RSU1: variants seen among roughly 807,000 people sequenced by gnomAD.
The protein encoded by RSU1 is rsu-1.
Under a neutral mutation model 31.1 loss-of-function variants are expected in RSU1, and 26 were observed. The observed-to-expected ratio is 0.84, with a 90% CI of 0.61 to 1.16. RSU1 has a LOEUF of 1.16. Among genes scored for constraint, RSU1 ranks in the 50% most tolerant of loss-of-function variants. The pLI is 0.00. For synonymous variants in RSU1, 164 were observed against 136.3 expected (o/e 1.20, Z -1.41); for missense variants, 320 against 339.1 (o/e 0.94, Z 0.44).
chr10:16,678,249 C>G (rs1263354643), intron 8 of RSU1, among the ~76,000 whole-genome samples: 1 of 152,168 alleles, frequency 6.6e-6, no homozygotes, highest in Non-Finnish European at 1.5e-5. Flanking sequence ...GAATGACCAT[C>G]TTTTCTCATT....
chr10:16,727,170 G>T (rs1325774047), intron 7 of RSU1: 2 of 456,348 alleles, frequency 4.4e-6, no homozygotes, highest in Admixed American at 2.4e-5. Flanking sequence ...ATAGTGACAG[G>T]AGTCATTGAC....
intron 7 of RSU1, among the ~76,000 whole-genome samples, chr10:16,744,870 C>T (rs572295640): frequency 3.9e-5 from 6 of 152,276 alleles, no homozygotes; most frequent in African/African-American, 1.4e-4. Flanking sequence ...CTGAGCTCCT[C>T]CCTCTTGCCC....
intron 7 of RSU1, among the ~76,000 whole-genome samples, chr10:16,746,399 TC>T (rs1383251728): frequency 6.6e-6 from 1 of 152,154 alleles, no homozygotes; most frequent in Non-Finnish European, 1.5e-5. Flanking sequence ...TGATTTTTTT[TC>T]CCTCTTCTCC....
intron 4 of RSU1, among the ~76,000 whole-genome samples, chr10:16,760,555 C>T (rs1190414576): frequency 6.6e-6 from 1 of 151,680 alleles, no homozygotes; most frequent in Non-Finnish European, 1.5e-5. Flanking sequence ...ACTCTGTCCT[C>T]TGCTGCCTCA....
At position 16,644,520 on chromosome 10, in the gene RSU1, G is replaced by A. The variant is rs1331849134; in HGVS notation, c.731+50503C>T. On this transcript the variant is annotated intron_variant, in intron 8 of 8. Transcript: ENST00000345264. ...TGCTATAACAGACTTTACATGTTAC[G>A]GAAGAGGAAATTGAGCCCTAAGAGA... Among the ~76,000 whole-genome samples, 7 of 152,266 alleles carry A rather than the reference G, an allele frequency of 4.6e-5. No individual in the cohort carries two copies. In the South Asian group the frequency reaches 1.0e-3, roughly 23 times the overall value.
chr10:16,608,325 T>C (rs1022555362), intron 8 of RSU1, among the ~76,000 whole-genome samples: 7 of 152,262 alleles, frequency 4.6e-5, no homozygotes, highest in South Asian at 2.1e-4. Context: ...CTGGGAAACA[T>C]AGCAATACCC....
At chr10:16,621,872 T>C (rs1309907375) in intron 8 of RSU1, among the ~76,000 whole-genome samples, 1 of 152,200 alleles carries the variant, frequency 6.6e-6, no homozygotes, top group Non-Finnish European at 1.5e-5. Context: ...TATCAATGAC[T>C]ATGTATGTAA....
At chr10:16,669,157 T>C (rs1279046075) in intron 8 of RSU1, among the ~76,000 whole-genome samples, 2 of 152,066 alleles carry the variant, frequency 1.3e-5, no homozygotes, top group South Asian at 4.2e-4. Flanking sequence ...CCAAAACAAA[T>C]GCTAGACCAG....
chr10:16,638,752 G>C (rs1023771263), intron 8 of RSU1, among the ~76,000 whole-genome samples: 1 of 152,186 alleles, frequency 6.6e-6, no homozygotes, highest in Non-Finnish European at 1.5e-5. Context: ...GAGGCCTGGC[G>C]GGAATGGTGG....
chr10:16,804,195 T>C (rs1838218026), intron 2 of RSU1, among the ~76,000 whole-genome samples: 2 of 152,196 alleles, frequency 1.3e-5, no homozygotes, highest in South Asian at 2.1e-4. Flanking sequence ...GATAAACATA[T>C]GGCAAATAAG....
At chr10:16,637,659 C>G (rs1005278729) in intron 8 of RSU1, among the ~76,000 whole-genome samples, 1 of 152,000 alleles carries the variant, frequency 6.6e-6, no homozygotes, top group African/African-American at 2.4e-5. Context: ...AGGGAACACA[C>G]AGATAATCAT....
chr10:16,762,312 AAT>A (rs2131629404), intron 4 of RSU1, among the ~76,000 whole-genome samples: 1 of 151,196 alleles, frequency 6.6e-6, no homozygotes, highest in African/African-American at 2.4e-5. Flanking sequence ...ATATATATAA[AAT>A]AGATATAATG....
At chr10:16,815,702 T>C (rs1838514098) in intron 2 of RSU1, among the ~76,000 whole-genome samples, 1 of 152,046 alleles carries the variant, frequency 6.6e-6, no homozygotes, top group Admixed American at 6.6e-5. Flanking sequence ...ATCAGTACAA[T>C]CCTATGTGAG....
rs558191183 is a variant in RSU1, at chr10:16,768,675, G to A, written c.161-4165C>T. Reference sequence around the variant, plus strand: ...TTCTGGACTTTGCAGCAGCAGTTCCGCCTAACACACCCGGCATGACCTTCT... The same window carrying A: ...TTCTGGACTTTGCAGCAGCAGTTCCACCTAACACACCCGGCATGACCTTCT... On this transcript the variant is annotated intron_variant, in intron 3 of 8. Transcript: ENST00000345264. Among the ~76,000 whole-genome samples, 9 of 152,250 alleles carry A rather than the reference G, an allele frequency of 5.9e-5. No homozygotes were observed. The South Asian group carries it at 6.2e-4, about 11-fold the overall frequency.
rs183302601 is a variant in RSU1, at chr10:16,810,780, G to T, written c.109+6193C>A. Reference sequence around the variant, plus strand: ...TGTTTCACTCAACAATGAACCACCCGGGAGGCTGGGGCAGGCAGATCGCTT... The same window carrying T: ...TGTTTCACTCAACAATGAACCACCCTGGAGGCTGGGGCAGGCAGATCGCTT... On this transcript the variant is annotated intron_variant, in intron 2 of 8. Coordinates refer to ENST00000345264, the MANE Select transcript of RSU1 (RefSeq NM_012425.4). Among the ~76,000 whole-genome samples the T allele has an allele frequency of 8.7e-4, 132 of 152,266 alleles. 2 individuals carry two copies. The highest frequency in any genetic ancestry group is 3.1e-3 in the African/African-American group (127 of 41,550).
chr10:16,603,933 T>C (rs566226020), intron 8 of RSU1, among the ~76,000 whole-genome samples: 1 of 152,316 alleles, frequency 6.6e-6, no homozygotes, highest in East Asian at 1.9e-4. Context: ...AAAATTACTC[T>C]TCAAAACCAC....
intron 8 of RSU1, among the ~76,000 whole-genome samples, chr10:16,599,307 T>G (rs1462969671): frequency 6.6e-6 from 1 of 152,196 alleles, no homozygotes; most frequent in Non-Finnish European, 1.5e-5. Flanking sequence ...CCCAGGGCCT[T>G]GGTGAACAAA....
At chr10:16,712,977 T>A (rs1172050924) in intron 7 of RSU1, among the ~76,000 whole-genome samples, 1 of 152,212 alleles carries the variant, frequency 6.6e-6, no homozygotes. Flanking sequence ...ATAATATTCT[T>A]GGCTGACAGT....
At chr10:16,690,798 A>G (rs1835533775) in intron 8 of RSU1, among the ~76,000 whole-genome samples, 1 of 152,154 alleles carries the variant, frequency 6.6e-6, no homozygotes, top group African/African-American at 2.4e-5. Flanking sequence ...CCTCTCATTT[A>G]GGTAATGGGT....
Sources: gnomAD v4.1 joint callset for allele counts (sites outside exome capture counted in the v4.1 genomes callset) on GRCh38, gnomAD v4.1.1 for gene constraint, MANE v1.5 for transcripts, NCBI Gene and HGNC (gene_info 2026-07-23, HGNC 2026-07-21) for gene names.